UBE2E3: variants seen among roughly 807,000 people sequenced by gnomAD.
The protein encoded by UBE2E3 is ubiquitin conjugating enzyme E2 E3.
Under a neutral mutation model 23.6 loss-of-function variants are expected in UBE2E3, and 5 were observed. That is an observed-to-expected ratio of 0.21 (90% CI 0.11 to 0.44). The LOEUF is 0.44. Among genes scored for constraint, UBE2E3 ranks in the 20% least tolerant of loss-of-function variants. The pLI, the probability that UBE2E3 is intolerant of heterozygous loss-of-function variation, is 0.99. For synonymous variants in UBE2E3, 78 were observed against 87.5 expected (o/e 0.89, Z 0.60); for missense variants, 81 against 249.8 (o/e 0.32, Z 4.55).
At chr2:180,996,986 C>A (rs1430322554) in intron 3 of UBE2E3, among the ~76,000 whole-genome samples, 1 of 151,940 alleles carries the variant, frequency 6.6e-6, no homozygotes, top group African/African-American at 2.4e-5. Context: ...ACACATGGCT[C>A]TTATAAATAT....
intron 3 of UBE2E3, among the ~76,000 whole-genome samples, chr2:181,030,782 C>G (rs919429314): frequency 2.0e-5 from 3 of 151,790 alleles, no homozygotes; most frequent in African/African-American, 7.3e-5. Flanking sequence ...TTAGTCTGTT[C>G]TTTTTAGTAG....
intron 3 of UBE2E3, among the ~76,000 whole-genome samples, chr2:181,000,375 CT>C (rs1684954582): frequency 6.6e-6 from 1 of 152,068 alleles, no homozygotes; most frequent in Admixed American, 6.5e-5. Context: ...TATTGGAAAA[CT>C]TTGCAAATAG....
intron 4 of UBE2E3, 52 bp downstream of exon 4, chr2:181,057,877 C>T (rs752885082): frequency 1.4e-5 from 22 of 1,572,868 alleles, no homozygotes; most frequent in Middle Eastern, 1.7e-4. Context: ...CCTCTAAAAT[C>T]GGTTATTCTA....
Position 180,982,240 on chromosome 2 carries a change from A to T in UBE2E3, c.194+4A>T. 6.2e-7 allele frequency: 1 copy of T among 1,611,848 alleles called. No homozygotes were observed. On this transcript the variant is annotated splice_donor_region_variant and intron_variant, in intron 2 of 5. Transcript: ENST00000410062. Reference sequence around the variant, plus strand: ...AGTTATCCACTAGTGCTAAAAGGTAATGTGTAAAAGAAGGATCCAGCACAC... The same window carrying T: ...AGTTATCCACTAGTGCTAAAAGGTATTGTGTAAAAGAAGGATCCAGCACAC...
chr2:181,020,034 A>G (rs893983853), intron 3 of UBE2E3, among the ~76,000 whole-genome samples: 2 of 151,770 alleles, frequency 1.3e-5, no homozygotes, highest in African/African-American at 2.4e-5. Context: ...CTAGTGTTCT[A>G]CTCTTTGCAT....
At chr2:181,033,945 A>G (rs899119848) in intron 3 of UBE2E3, among the ~76,000 whole-genome samples, 6 of 152,340 alleles carry the variant, frequency 3.9e-5, no homozygotes, top group Non-Finnish European at 7.4e-5. Flanking sequence ...ATCACTGGCC[A>G]TCAGAGAAAT....
At chr2:181,026,556 G>A (rs1478279211) in intron 3 of UBE2E3, among the ~76,000 whole-genome samples, 1 of 150,992 alleles carries the variant, frequency 6.6e-6, no homozygotes, top group African/African-American at 2.4e-5. Context: ...CTTTCCAAAG[G>A]CTGAGGAAAC....
At chr2:181,000,825 A>G (rs1284275843) in intron 3 of UBE2E3, among the ~76,000 whole-genome samples, 1 of 152,220 alleles carries the variant, frequency 6.6e-6, no homozygotes, top group African/African-American at 2.4e-5. Context: ...AAGTGAGAGT[A>G]ACTTTTTAAA....
chr2:181,052,956 C>G (rs1217779354), intron 3 of UBE2E3, among the ~76,000 whole-genome samples: 1 of 151,840 alleles, frequency 6.6e-6, no homozygotes, highest in Admixed American at 6.6e-5. Flanking sequence ...ATGTGCCTCT[C>G]TGTGCACAGG....
chr2:181,056,429 C>G (rs1275540434), intron 3 of UBE2E3, among the ~76,000 whole-genome samples: 1 of 151,730 alleles, frequency 6.6e-6, no homozygotes, highest in Non-Finnish European at 1.5e-5. Context: ...GGGCCTCAGG[C>G]TGCTTCAACT....
chr2:181,011,346 A>T (rs533850610), intron 3 of UBE2E3, among the ~76,000 whole-genome samples: 66 of 152,200 alleles, frequency 4.3e-4, no homozygotes, highest in African/African-American at 1.6e-3. Context: ...ATAAGGAGGT[A>T]GGGAGAGATA....
At chr2:181,035,969 T>C (rs1686264388) in intron 3 of UBE2E3, among the ~76,000 whole-genome samples, 1 of 152,230 alleles carries the variant, frequency 6.6e-6, no homozygotes, top group African/African-American at 2.4e-5. Flanking sequence ...TGGTAAGTGA[T>C]GTCAGTACAG....
Position 181,028,749 on chromosome 2 carries a change from G to T in UBE2E3, c.246-28944G>T, listed in dbSNP as rs760329332. Among the ~76,000 whole-genome samples the T allele has an allele frequency of 2.6e-5, 4 of 151,994 alleles. No homozygotes were observed. In the Middle Eastern group the frequency reaches 0.01, roughly 388 times the overall value. The stretch of plus-strand genomic sequence containing the variant: ...TGCCCCCAATTTTGTTTTATTAGGG[G>T]TTCTTATGTATTGTGGATACAGATG... On this transcript the variant is annotated intron_variant, in intron 3 of 5. Transcript: ENST00000410062.
Position 181,057,398 on chromosome 2 carries a change from G to C in UBE2E3, c.246-295G>C, listed in dbSNP as rs554078605. ...CATGCTTGCAGGTTTAGAGGGGTGTGTGTTTCGGGAGAGAGAGGAGCAAAT... is the reference window on the plus strand; with the variant it reads ...CATGCTTGCAGGTTTAGAGGGGTGTCTGTTTCGGGAGAGAGAGGAGCAAAT... On this transcript the variant is annotated intron_variant, in intron 3 of 5. Coordinates refer to ENST00000410062, the MANE Select transcript of UBE2E3 (RefSeq NM_006357.4). 4.6e-5 allele frequency among the ~76,000 whole-genome samples: 7 copies of C among 151,948 alleles called. No individual in the cohort carries two copies. The South Asian group carries it at 1.5e-3, about 31-fold the overall frequency.
At chr2:181,043,574 G>T (rs979588142) in intron 3 of UBE2E3, among the ~76,000 whole-genome samples, 2 of 152,066 alleles carry the variant, frequency 1.3e-5, no homozygotes, top group African/African-American at 2.4e-5. Flanking sequence ...TAACACTTCT[G>T]GTCCTAAGCA....
In UBE2E3 at chr2:180,984,091, C is replaced by A; in HGVS notation, c.243C>A (p.Cys81Ter). The change falls in exon 3 of 6, where the codon TGC becomes TGA. Residue 81 changes from cysteine to a stop codon, truncating the protein, a stop_gained and splice_region_variant. Transcript: ENST00000410062. LOFTEE classifies it high-confidence loss of function. Reference protein sequence around the residue: ...AEITLDPPPNCSAGPKGDNIY... With the variant: ...AEITLDPPPN ...TAACCCTTGATCCTCCTCCTAATTG[C>A]AGGTAAGAAATGAATTTTGTTGTTT... The A allele has an allele frequency of 6.2e-7, 1 of 1,609,526 alleles. No individual in the cohort carries two copies.
intron 3 of UBE2E3, among the ~76,000 whole-genome samples, chr2:180,992,637 A>G (rs917262834): frequency 6.6e-6 from 1 of 152,118 alleles, no homozygotes; most frequent in Admixed American, 6.5e-5. Context: ...CTGGGACTAC[A>G]GGCGCACCCC....
chr2:181,030,102 G>T (rs951696645), intron 3 of UBE2E3, among the ~76,000 whole-genome samples: 1 of 151,896 alleles, frequency 6.6e-6, no homozygotes, highest in Non-Finnish European at 1.5e-5. Flanking sequence ...AAAGTGCTGC[G>T]ATTACAGGTG....
intron 3 of UBE2E3, among the ~76,000 whole-genome samples, chr2:181,017,635 G>A (rs1297749966): frequency 1.1e-5 from 1 of 92,676 alleles, no homozygotes; most frequent in Non-Finnish European, 2.2e-5. Context: ...TCCTACTCTG[G>A]ACTCTTCCTT....
Sources: allele counts gnomAD v4.1 joint callset (sites outside exome capture counted in the v4.1 genomes callset), GRCh38; gene constraint gnomAD v4.1.1; transcripts MANE v1.5; gene names NCBI Gene and HGNC (gene_info 2026-07-23, HGNC 2026-07-21).